The following SCD5 variants were observed in gnomAD, a reference collection of about 807,000 sequenced individuals.
SCD5 encodes stearoyl-CoA desaturase 5.
Under a neutral mutation model 30.4 loss-of-function variants are expected in SCD5, and 20 were observed. The ratio of observed to expected loss-of-function variants is 0.66; its 90% CI spans 0.46 to 0.96. The LOEUF (loss-of-function observed/expected upper bound fraction) is 0.96, where lower values mean the gene tolerates loss of function less well. Ranked by LOEUF, SCD5 falls within the 40% of genes least tolerant of loss-of-function variation. The pLI, the probability that SCD5 is intolerant of heterozygous loss-of-function variation, is 0.00. For missense variants in SCD5, 381 were observed against 443.3 expected (o/e 0.86, Z 1.26); for synonymous variants, 173 against 176.4 (o/e 0.98, Z 0.16).
chr4:82,695,489 T>C (rs899955799), intron 2 of SCD5, among the ~76,000 whole-genome samples: 2 of 152,086 alleles, frequency 1.3e-5, no homozygotes, highest in Non-Finnish European at 2.9e-5. Context: ...GAGGGATAAC[T>C]AGGGAAATGG....
chr4:82,637,252 T>C (rs990241524), intron 3 of SCD5, among the ~76,000 whole-genome samples: 1 of 152,342 alleles, frequency 6.6e-6, no homozygotes, highest in East Asian at 1.9e-4. Flanking sequence ...GCTTCTTAAA[T>C]AATTTTAGGT....
intron 3 of SCD5, among the ~76,000 whole-genome samples, chr4:82,676,692 G>C (rs1344867905): frequency 6.6e-6 from 1 of 152,318 alleles, no homozygotes; most frequent in East Asian, 1.9e-4. Flanking sequence ...GATTTAGGCA[G>C]GTGCCATGTT....
chr4:82,778,688 A>C (rs949185706), intron 1 of SCD5, among the ~76,000 whole-genome samples: 1 of 152,192 alleles, frequency 6.6e-6, no homozygotes, highest in African/African-American at 2.4e-5. Context: ...GTTTCTGTCC[A>C]GGTAGTACCT....
intron 3 of SCD5, among the ~76,000 whole-genome samples, chr4:82,673,088 T>A (rs1294402747): frequency 6.6e-6 from 1 of 152,094 alleles, no homozygotes; most frequent in African/African-American, 2.4e-5. Context: ...GACTATATAC[T>A]TTTCCTCTAA....
chr4:82,644,690 T>C (rs1465277647), intron 3 of SCD5, among the ~76,000 whole-genome samples: 1 of 152,200 alleles, frequency 6.6e-6, no homozygotes, highest in African/African-American at 2.4e-5. Context: ...CTTCATAAGA[T>C]GCTTACCTCT....
At chr4:82,744,807 T>C (rs1474105419) in intron 1 of SCD5, among the ~76,000 whole-genome samples, 1 of 151,874 alleles carries the variant, frequency 6.6e-6, no homozygotes, top group East Asian at 1.9e-4. Flanking sequence ...CATGAAGACA[T>C]GGCCCCACTA....
At chr4:82,711,702 T>C (rs1720090788) in intron 1 of SCD5, among the ~76,000 whole-genome samples, 1 of 122,408 alleles carries the variant, frequency 8.2e-6, no homozygotes, top group South Asian at 2.8e-4. Flanking sequence ...TAAGACCTTG[T>C]CTTAAAAAAA....
chr4:82,677,794 T>G (rs996306713), intron 3 of SCD5, among the ~76,000 whole-genome samples: 1 of 152,104 alleles, frequency 6.6e-6, no homozygotes, highest in African/African-American at 2.4e-5. Context: ...ACTTCTGGCT[T>G]CCTCTATCTA....
intron 2 of SCD5, among the ~76,000 whole-genome samples, chr4:82,698,331 T>C (rs1227356633): frequency 1.3e-5 from 2 of 152,208 alleles, no homozygotes; most frequent in Non-Finnish European, 2.9e-5. Context: ...CGCCACTGCA[T>C]GCTGCTGCTA....
chr4:82,647,044 C>T (rs1462494746), intron 3 of SCD5, among the ~76,000 whole-genome samples: 3 of 152,156 alleles, frequency 2.0e-5, no homozygotes, highest in Non-Finnish European at 4.4e-5. Flanking sequence ...AGGCTGGTCT[C>T]GAACTCCTGG....
intron 3 of SCD5, among the ~76,000 whole-genome samples, chr4:82,659,607 G>T (rs917294009): frequency 5.3e-5 from 8 of 152,162 alleles, no homozygotes; most frequent in African/African-American, 1.9e-4. Context: ...TCATTCAGGA[G>T]CAGGTTGTTC....
At chr4:82,708,410 G>A (rs1222453894) in intron 1 of SCD5, among the ~76,000 whole-genome samples, 2 of 152,168 alleles carry the variant, frequency 1.3e-5, no homozygotes, top group Non-Finnish European at 2.9e-5. Flanking sequence ...ACCACCCCTA[G>A]ATACTTGCCA....
chr4:82,746,817 G>A lies in SCD5; in HGVS notation c.233-41404C>T, dbSNP rs117749772. On this transcript the variant is annotated intron_variant, in intron 1 of 4. Coordinates refer to ENST00000319540, the MANE Select transcript of SCD5 (RefSeq NM_001037582.3). ...GCAAGGGCTCCACCCTTGGTCCTGCGCCCATGGACCCAAGCGAGAATAGGC... is the reference window on the plus strand; with the variant it reads ...GCAAGGGCTCCACCCTTGGTCCTGCACCCATGGACCCAAGCGAGAATAGGC... Among the ~76,000 whole-genome samples, 62 of 152,140 alleles carry A rather than the reference G, an allele frequency of 4.1e-4. 1 individual carries two copies. In the East Asian group the frequency reaches 0.01, roughly 25 times the overall value.
At chr4:82,670,062 A>G (rs1318665637) in intron 3 of SCD5, among the ~76,000 whole-genome samples, 1 of 152,226 alleles carries the variant, frequency 6.6e-6, no homozygotes, top group African/African-American at 2.4e-5. Context: ...ACCTATATAC[A>G]GCAGTTCCTT....
intron 1 of SCD5, among the ~76,000 whole-genome samples, chr4:82,791,082 A>T (rs551430685): frequency 1.3e-5 from 2 of 152,144 alleles, no homozygotes; most frequent in African/African-American, 4.8e-5. Context: ...TACTAAAAAT[A>T]AAAAAATTAG....
intron 1 of SCD5, among the ~76,000 whole-genome samples, chr4:82,720,821 A>C (rs2148832207): frequency 6.6e-6 from 1 of 152,292 alleles, no homozygotes; most frequent in South Asian, 2.1e-4. Context: ...AAAGGGGTAC[A>C]AAATTTGGCC....
chr4:82,733,730 C>T (rs1720690858), intron 1 of SCD5, among the ~76,000 whole-genome samples: 1 of 152,184 alleles, frequency 6.6e-6, no homozygotes, highest in Non-Finnish European at 1.5e-5. Flanking sequence ...GAAGCACATG[C>T]TCATGAAGCC....
chr4:82,660,961 A>T (rs139993099), intron 3 of SCD5: 1 of 1,614,214 alleles, frequency 6.2e-7, no homozygotes, highest in South Asian at 1.1e-5. Context: ...TAACAAAGCT[A>T]AAATGTGTAA....
intron 4 of SCD5, 56 bp downstream of exon 4, chr4:82,636,535 G>C: frequency 7.2e-7 from 1 of 1,386,486 alleles, no homozygotes; most frequent in South Asian, 1.3e-5. Context: ...ACTACTGAGA[G>C]GCCAAGAAAA....
Sources: allele counts gnomAD v4.1 joint callset (sites outside exome capture counted in the v4.1 genomes callset), GRCh38; gene constraint gnomAD v4.1.1; transcripts MANE v1.5; gene names NCBI Gene and HGNC (gene_info 2026-07-23, HGNC 2026-07-21).